The following NRG3 variants were observed in gnomAD, a reference collection of about 807,000 sequenced individuals.
NRG3 encodes the protein pro-neuregulin-3, membrane-bound isoform.
NRG3 carries 31 observed loss-of-function variants against 66.9 expected under a neutral mutation model. The ratio of observed to expected loss-of-function variants is 0.46; its 90% CI spans 0.35 to 0.63. The LOEUF is 0.63. NRG3 is among the 20% of genes least tolerant of loss of function. NRG3 has a pLI of 0.00. For missense variants in NRG3, 910 were observed against 878.9 expected (o/e 1.04, Z -0.45); for synonymous variants, 393 against 359.4 (o/e 1.09, Z -1.06).
At chr10:82,680,530 C>A (rs1039167607) in intron 2 of NRG3, among the ~76,000 whole-genome samples, 58 of 152,172 alleles carry the variant, frequency 3.8e-4, no homozygotes, top group Non-Finnish European at 7.6e-4. Flanking sequence ...AGAAATCAAA[C>A]CATAAATGTC....
At chr10:82,220,880 C>A (rs1034123383) in intron 1 of NRG3, among the ~76,000 whole-genome samples, 1 of 152,164 alleles carries the variant, frequency 6.6e-6, no homozygotes, top group African/African-American at 2.4e-5. Context: ...GCTTGCAGTT[C>A]CAGCTGCTTC....
intron 2 of NRG3, among the ~76,000 whole-genome samples, chr10:82,574,376 G>C (rs891081023): frequency 2.0e-5 from 3 of 151,708 alleles, no homozygotes; most frequent in African/African-American, 7.3e-5. Flanking sequence ...GTTACCAAAG[G>C]CTGGGAAGCA....
chr10:82,728,253 C>T (rs904720769), intron 2 of NRG3, among the ~76,000 whole-genome samples: 6 of 152,102 alleles, frequency 3.9e-5, no homozygotes, highest in South Asian at 2.1e-4. Flanking sequence ...TCAGAGAGGT[C>T]GGGGTGGAAT....
chr10:82,642,067 A>G (rs1244274858), intron 2 of NRG3, among the ~76,000 whole-genome samples: 11 of 152,068 alleles, frequency 7.2e-5, no homozygotes, highest in African/African-American at 1.2e-4. Context: ...CCACGTGTGC[A>G]TATTTTCTAG....
intron 7 of NRG3, among the ~76,000 whole-genome samples, chr10:82,976,025 AT>A (rs1852216627): frequency 6.6e-6 from 1 of 152,060 alleles, no homozygotes; most frequent in African/African-American, 2.4e-5. Context: ...ATTGCATTAT[AT>A]TTTGGCAATA....
intron 3 of NRG3, among the ~76,000 whole-genome samples, chr10:82,857,000 T>C (rs1306895798): frequency 6.6e-6 from 1 of 152,150 alleles, no homozygotes; most frequent in African/African-American, 2.4e-5. Context: ...ATTAAATCCT[T>C]TAATCGGTAA....
chr10:82,285,909 A>G lies in NRG3; in HGVS notation c.824-72830A>G, dbSNP rs115169427. ...CCAAGTTTATTTACATGGAAGGGGCATACTGCTCTTGTTAGAAGAATATTA... is the reference window on the plus strand; with the variant it reads ...CCAAGTTTATTTACATGGAAGGGGCGTACTGCTCTTGTTAGAAGAATATTA... On this transcript the variant is annotated intron_variant, in intron 1 of 8. Transcript: ENST00000372141. 4.7e-3 allele frequency among the ~76,000 whole-genome samples: 713 copies of G among 152,336 alleles called. 5 individuals carry two copies. Among genetic ancestry groups the G allele is most frequent in the African/African-American group, 0.016 (683 of 41,582 alleles).
At chr10:82,334,760 C>A (rs934616237) in intron 1 of NRG3, among the ~76,000 whole-genome samples, 1 of 152,058 alleles carries the variant, frequency 6.6e-6, no homozygotes, top group East Asian at 1.9e-4. Flanking sequence ...ATTATCAAAT[C>A]TCATTGGAAG....
intron 6 of NRG3, among the ~76,000 whole-genome samples, chr10:82,961,693 C>A (rs886673775): frequency 4.6e-5 from 7 of 152,144 alleles, no homozygotes; most frequent in Non-Finnish European, 8.8e-5. Context: ...GCACAATAAC[C>A]TCCCTCAACA....
rs139038426 is a variant in NRG3, at chr10:82,809,813, A to G, written c.1028-55598A>G. Among the ~76,000 whole-genome samples, 194 of 152,186 alleles carry G rather than the reference A, an allele frequency of 1.3e-3. 2 individuals are homozygous for G. Among genetic ancestry groups the G allele is most frequent in the Non-Finnish European group, 2.3e-3 (155 of 67,986 alleles). ...CTAAGTAGTTTTCCAGGTTTTTTTCAGTGATTTACACCCCCATTCTCACAA... is the reference window on the plus strand; with the variant it reads ...CTAAGTAGTTTTCCAGGTTTTTTTCGGTGATTTACACCCCCATTCTCACAA... On this transcript the variant is annotated intron_variant, in intron 3 of 8. Transcript: ENST00000372141.
In NRG3 at chr10:82,016,685, AAAGT is replaced by A. The variant is rs543496307; in HGVS notation, c.823+140525_823+140528del. Among the ~76,000 whole-genome samples the A allele has an allele frequency of 3.0e-3, 452 of 152,214 alleles. 2 individuals are homozygous for A. Among genetic ancestry groups the A allele is most frequent in the African/African-American group, 0.01 (429 of 41,550 alleles). On this transcript the variant is annotated intron_variant, in intron 1 of 8. Coordinates refer to ENST00000372141, the MANE Select transcript of NRG3 (RefSeq NM_001010848.4). ...AAAAATATTGTTATGTTTTAAGTGA[AAAGT>A]AATGAGGTCTGCGACTAGGCAAAGA...
chr10:82,129,763 G>C (rs2068690768), intron 1 of NRG3, among the ~76,000 whole-genome samples: 1 of 151,796 alleles, frequency 6.6e-6, no homozygotes, highest in African/African-American at 2.4e-5. Flanking sequence ...ATTTCATCAT[G>C]TTGGTCAGGC....
chr10:82,554,285 A>T (rs1331197262), intron 2 of NRG3, among the ~76,000 whole-genome samples: 1 of 152,130 alleles, frequency 6.6e-6, no homozygotes, highest in Admixed American at 6.6e-5. Context: ...GATGATTTTG[A>T]CTGTTCTCAA....
chr10:82,934,781 A>C (rs963590652), intron 4 of NRG3, among the ~76,000 whole-genome samples: 1 of 152,236 alleles, frequency 6.6e-6, no homozygotes, highest in Admixed American at 6.5e-5. Context: ...GAGGCTTAAA[A>C]GGCGCACAAT....
intron 2 of NRG3, among the ~76,000 whole-genome samples, chr10:82,420,219 A>G (rs1357242003): frequency 2.0e-5 from 3 of 152,132 alleles, no homozygotes; most frequent in Non-Finnish European, 4.4e-5. Context: ...AATGGAAGGA[A>G]ACAATCCTCA....
At chr10:82,522,234 G>A (rs1846264272) in intron 2 of NRG3, among the ~76,000 whole-genome samples, 1 of 151,826 alleles carries the variant, frequency 6.6e-6, no homozygotes, top group Non-Finnish European at 1.5e-5. Flanking sequence ...AGTAGAGAAG[G>A]GGATTTCACC....
chr10:82,090,263 T>A (rs2065949785), intron 1 of NRG3, among the ~76,000 whole-genome samples: 1 of 152,218 alleles, frequency 6.6e-6, no homozygotes, highest in African/African-American at 2.4e-5. Context: ...ATACATAGTT[T>A]CAATAGGACT....
At chr10:82,520,790 T>C (rs1398702837) in intron 2 of NRG3, among the ~76,000 whole-genome samples, 1 of 152,188 alleles carries the variant, frequency 6.6e-6, no homozygotes, top group African/African-American at 2.4e-5. Flanking sequence ...AGCCTCTTTT[T>C]CCCCTAATTA....
At chr10:82,867,529 G>C (rs536698253) in intron 4 of NRG3, among the ~76,000 whole-genome samples, 11 of 152,244 alleles carry the variant, frequency 7.2e-5, no homozygotes, top group African/African-American at 2.6e-4. Flanking sequence ...TTTTTCATAA[G>C]AGACAAGAGA....
Sources: gnomAD v4.1 joint callset for allele counts (sites outside exome capture counted in the v4.1 genomes callset) on GRCh38, gnomAD v4.1.1 for gene constraint, MANE v1.5 for transcripts, NCBI Gene and HGNC (gene_info 2026-07-23, HGNC 2026-07-21) for gene names.